Variants in MICALL2 observed in about 807,000 individuals in gnomAD.
The protein encoded by MICALL2 is MICAL-like protein 2.
In MICALL2, 111 loss-of-function variants were observed where a neutral mutation model predicts 91.1. That is an observed-to-expected ratio of 1.22 (90% CI 1.04 to 1.43). MICALL2 has a LOEUF of 1.43. MICALL2 is among the 40% of genes most tolerant of loss of function. MICALL2 has a pLI of 0.00. For missense variants in MICALL2, 1,556 were observed against 1,236.0 expected (o/e 1.26, Z -3.88); for synonymous variants, 694 against 525.3 (o/e 1.32, Z -4.39).
Position 1,439,604 on chromosome 7 carries a change from TCA to T in MICALL2, c.1966+319_1966+320del, listed in dbSNP as rs57271852. ...TGATGTACACATGAATACACATGCA[TCA>T]CACATCACATACATGAACAGACACA... is the stretch of plus-strand genomic sequence containing the variant. On this transcript the variant is annotated intron_variant, in intron 9 of 16. Coordinates refer to ENST00000297508, the MANE Select transcript of MICALL2 (RefSeq NM_182924.4). The T allele has an allele frequency of 1.3e-4, 38 of 291,388 alleles. 1 individual carries two copies. Among genetic ancestry groups the T allele is most frequent in the Admixed American group, 9.0e-4 (17 of 18,840 alleles). 18.1% of individuals were successfully genotyped at this position (291,388 alleles called of 1,614,324 possible).
At position 1,439,634 on chromosome 7, in the gene MICALL2, G is replaced by GACATGCATCACGTGC. The variant is rs1011943765; in HGVS notation, c.1966+276_1966+290dup. The stretch of plus-strand genomic sequence containing the variant: ...CATCACATACATGAACAGACACATG[G>GACATGCATCACGTGC]ACATGCATCACGTGCACATGCATCA... On this transcript the variant is annotated intron_variant, in intron 9 of 16. Transcript: ENST00000297508. The GACATGCATCACGTGC allele has an allele frequency of 1.7e-5, 6 of 346,624 alleles. No homozygotes were observed. In the South Asian group the frequency reaches 3.3e-4, roughly 19 times the overall value. The allele number at this position is 346,624 out of a possible 1,614,324, so 21.5% of individuals were successfully genotyped here.
intron 9 of MICALL2, chr7:1,439,405 G>T (rs192258155): frequency 7.7e-5 from 15 of 195,680 alleles, no homozygotes; most frequent in Non-Finnish European, 1.3e-4. Flanking sequence ...ACATGAACAC[G>T]GTTGCACACA....
intron 15 of MICALL2, among the ~76,000 whole-genome samples, chr7:1,436,322 C>G (rs533948958): frequency 1.8e-4 from 27 of 151,610 alleles, no homozygotes; most frequent in African/African-American, 6.3e-4. Flanking sequence ...ACGGAGGTTG[C>G]AGTGAGCCAA....
Position 1,437,465 on chromosome 7 carries a change from G to A in MICALL2, c.2476+70C>T, listed in dbSNP as rs575596251. On this transcript the variant is annotated intron_variant, in intron 14 of 16. Coordinates refer to ENST00000297508, the MANE Select transcript of MICALL2 (RefSeq NM_182924.4). ...GACAGTCAGGTGGCCTCACAGAGCC[G>A]GCCCCCAGACATCCTGGGCTCCGCG... is the stretch of plus-strand genomic sequence containing the variant. 1.7e-4 allele frequency: 231 copies of A among 1,378,170 alleles called. 3 individuals carry two copies. The South Asian group carries it at 2.6e-3, about 15-fold the overall frequency. The allele number at this position is 1,378,170 out of a possible 1,614,324, so 85.4% of individuals were successfully genotyped here. A position where few individuals can be genotyped will look rare whatever the true frequency, so the allele number is the denominator to read the frequency against.
rs566160221 is a variant in MICALL2, at chr7:1,457,338, C to A, written c.143+1846G>T. The stretch of plus-strand genomic sequence containing the variant: ...AGCTGACAGTCCAGTGGGGACAGAA[C>A]CAAGTCAGCCACAGCTTGGGTAACT... On this transcript the variant is annotated intron_variant, in intron 1 of 16. Transcript: ENST00000297508. 1.4e-4 allele frequency among the ~76,000 whole-genome samples: 22 copies of A among 152,354 alleles called. No individual in the cohort carries two copies. The East Asian group carries it at 4.2e-3, about 29-fold the overall frequency.
intron 2 of MICALL2, among the ~76,000 whole-genome samples, 166 bp from the exon 3 acceptor site, chr7:1,448,927 A>G (rs1030360194): frequency 1.3e-5 from 2 of 152,172 alleles, no homozygotes; most frequent in African/African-American, 4.8e-5. Context: ...CAGCTTACCC[A>G]TCATTGCAGC....
At chr7:1,442,847 C>G (rs1780374742) in intron 6 of MICALL2, among the ~76,000 whole-genome samples, 1 of 152,186 alleles carries the variant, frequency 6.6e-6, no homozygotes, top group African/African-American at 2.4e-5. Context: ...AAACACACCA[C>G]CCACCCAGGC....
intron 9 of MICALL2, chr7:1,439,288 G>GAGATGTGTGTGCACACAC (rs1780143189): frequency 2.4e-6 from 1 of 424,706 alleles, no homozygotes; most frequent in Admixed American, 4.1e-5. Flanking sequence ...AATACACACA[G>GAGATGTGTGTGCACACAC]AGATGTGTGT....
At chr7:1,439,861 C>G in intron 9 of MICALL2, 64 bp downstream of exon 9, 1 of 1,354,716 alleles carries the variant, frequency 7.4e-7, no homozygotes, top group East Asian at 3.1e-5. Flanking sequence ...AGTCCCGGGG[C>G]CCCCACCCAA....
chr7:1,451,430 G>A lies in MICALL2; in HGVS notation c.144-1142C>T, dbSNP rs1311181754. On this transcript the variant is annotated intron_variant, in intron 1 of 16. Coordinates refer to ENST00000297508, the MANE Select transcript of MICALL2 (RefSeq NM_182924.4). The surrounding 1 kb of genome is among the most constrained non-coding windows in gnomAD (Gnocchi z 4.5). ...ACCTGTAGTCCCAGCTACTCAGGAGGCCAAGGCAGAAGGATTGCTTGAGCC... is the reference window on the plus strand; with the variant it reads ...ACCTGTAGTCCCAGCTACTCAGGAGACCAAGGCAGAAGGATTGCTTGAGCC... 1.3e-5 allele frequency among the ~76,000 whole-genome samples: 2 copies of A among 152,236 alleles called. No homozygotes were observed. The highest frequency in any genetic ancestry group is 2.9e-5 in the Non-Finnish European group (2 of 68,046).
chr7:1,435,078 C>G, intron 16 of MICALL2, 23 bp downstream of exon 16: 1 of 1,612,028 alleles, frequency 6.2e-7, no homozygotes, highest in South Asian at 1.1e-5. Context: ...CAGCCCAGCC[C>G]TCAGCATCCC....
chr7:1,444,701 TGAGG>T lies in MICALL2; in HGVS notation c.1365_1368del (p.Phe455LeufsTer41). ...TCTTCCAGCGCTGAGAGGGCCTGCT[TGAGG>T]AAGTTCCGCGCCTGCTCCTTGCTGC... is the stretch of plus-strand genomic sequence containing the variant. On this transcript the variant is annotated frameshift_variant, in exon 6 of 17. Transcript: ENST00000297508. LOFTEE classifies it high-confidence loss of function. 1.2e-6 allele frequency: 2 copies of T among 1,612,220 alleles called. No homozygotes were observed.
chr7:1,442,411 T>A lies in MICALL2; in HGVS notation c.1492A>T (p.Lys498Ter). The A allele has an allele frequency of 6.3e-7, 1 of 1,589,754 alleles. No homozygotes were observed. The highest frequency in any genetic ancestry group is 8.6e-7 in the Non-Finnish European group (1 of 1,166,582). The change falls in exon 7 of 17, where the codon AAG becomes TAG. Residue 498 changes from lysine (K) to a stop codon, truncating the protein, a stop_gained. Coordinates refer to ENST00000297508, the MANE Select transcript of MICALL2 (RefSeq NM_182924.4). LOFTEE classifies it high-confidence loss of function. ...TEAPQASPLAKPLQSSSPRVL... is the reference protein window; with the variant it reads ...TEAPQASPLA ...CGGGGAGACGAGGACTGTAACGGCT[T>A]GGCTAAGGGACTTGCTTGTGGTGCT...
rs200238981 is a variant in MICALL2 at position 1,459,214 on chromosome 7, G to C, written c.113C>G (p.Ala38Gly). Residue 38 changes from alanine (A) to glycine (G), a missense_variant, in exon 1 of 17, where the codon GCC becomes GGC. Physicochemically the swap from Ala to Gly is moderately conservative, Grantham distance 60. Coordinates refer to ENST00000297508, the MANE Select transcript of MICALL2 (RefSeq NM_182924.4). ...TSFRDGLAFC[A>G]ILHRHRPDLI... is the part of the protein sequence containing the mutation. ...GTCGGGCCGGTGGCGGTGCAGGATG[G>C]CGCAGAAAGCCAGGCCGTCGCGGAA... The C allele has an allele frequency of 1.7e-4, 267 of 1,610,804 alleles. 1 individual carries two copies. The Middle Eastern group carries it at 2.0e-3, about 12-fold the overall frequency.
intron 13 of MICALL2, 28 bp downstream of exon 13, chr7:1,437,862 G>C (rs767579941): frequency 1.3e-6 from 2 of 1,541,728 alleles, no homozygotes; most frequent in African/African-American, 2.7e-5. Flanking sequence ...CCTGGCCTTC[G>C]AGGAGGGGCC....
chr7:1,458,200 G>A (rs1478145342), intron 1 of MICALL2, among the ~76,000 whole-genome samples: 1 of 152,224 alleles, frequency 6.6e-6, no homozygotes, highest in African/African-American at 2.4e-5. Context: ...CCGGATCTGC[G>A]CAACGGGCTG....
intron 6 of MICALL2, 83 bp downstream of exon 6, chr7:1,444,569 C>T (rs1780469483): frequency 1.5e-6 from 2 of 1,371,106 alleles, no homozygotes; most frequent in African/African-American, 1.4e-5. Context: ...AGGTGCAGCG[C>T]CCCCAACCCC....
rs1368813322 is a variant in MICALL2 at position 1,438,274 on chromosome 7, C to T, written c.2187+15G>A. ...GGAGGGCTGGGCCCCTGCCCGGCTCCCCACCACTACTCACCCTGACTGGGG... is the reference window on the plus strand; with the variant it reads ...GGAGGGCTGGGCCCCTGCCCGGCTCTCCACCACTACTCACCCTGACTGGGG... On this transcript the variant is annotated intron_variant, in intron 11 of 16. Transcript: ENST00000297508. 1.3e-6 allele frequency: 2 copies of T among 1,592,074 alleles called. No individual in the cohort carries two copies. The highest frequency in any genetic ancestry group is 1.7e-5 in the Admixed American group (1 of 57,382).
Position 1,444,684 on chromosome 7 carries a change from C to T in MICALL2, c.1386G>A (p.Ala462=), listed in dbSNP as rs755144262. ...GCGCCGGAGCGCCAGCCTCTTCCAG[C>T]GCTGAGAGGGCCTGCTTGAGGAAGT... ...ARNFLKQALS[A]LEEAGAPAPG... is the part of the protein sequence containing the mutation. The change falls in exon 6 of 17, where the codon GCG becomes GCA. Residue 462 remains alanine (A), a synonymous_variant. Transcript: ENST00000297508. 7.4e-6 allele frequency: 12 copies of T among 1,611,720 alleles called. No homozygotes were observed. Among genetic ancestry groups the T allele is most frequent in the African/African-American group, 4.0e-5 (3 of 74,942 alleles).
Sources: allele counts gnomAD v4.1 joint callset (sites outside exome capture counted in the v4.1 genomes callset), GRCh38; gene constraint gnomAD v4.1.1; non-coding constraint Gnocchi (gnomAD v3.1); transcripts MANE v1.5; gene names NCBI Gene and HGNC (gene_info 2026-07-23, HGNC 2026-07-21).